Variants in PRIM2 observed in about 807,000 individuals in gnomAD.
The protein encoded by PRIM2 is DNA primase large subunit.
In PRIM2, 39 loss-of-function variants were observed where a neutral mutation model predicts 67.3. That is an observed-to-expected ratio of 0.58 (90% CI 0.45 to 0.76). The LOEUF is 0.76. PRIM2 is among the 30% of genes least tolerant of loss of function. The pLI, the probability that PRIM2 is intolerant of heterozygous loss-of-function variation, is 0.00. For missense variants in PRIM2, 398 were observed against 598.7 expected (o/e 0.66, Z 3.50); for synonymous variants, 143 against 198.7 (o/e 0.72, Z 2.36).
At chr6:57,300,473 G>T in the PRIM2 span, among the ~76,000 whole-genome samples, 5 of 152,060 alleles carry the variant, frequency 3.3e-5, no homozygotes, top group Admixed American at 3.3e-4. Context: ...GTGTGTGCAC[G>T]CATGTGTACA....
the PRIM2 span, among the ~76,000 whole-genome samples, chr6:57,269,910 T>C: frequency 6.6e-6 from 1 of 152,240 alleles, no homozygotes; most frequent in East Asian, 1.9e-4. Flanking sequence ...TTGCTTGTTT[T>C]TGTGAGGTTT....
the PRIM2 span, among the ~76,000 whole-genome samples, chr6:57,280,620 C>T: frequency 7.9e-5 from 12 of 152,088 alleles, no homozygotes; most frequent in African/African-American, 4.8e-5. Flanking sequence ...AGCGATTCTC[C>T]GGCCTCAGCC....
At chr6:57,552,371 A>T (rs1387887193) in intron 10 of PRIM2, among the ~76,000 whole-genome samples, 1 of 152,004 alleles carries the variant, frequency 6.6e-6, no homozygotes, top group Non-Finnish European at 1.5e-5. Flanking sequence ...GATAAGGCAG[A>T]TTTCCTTGCT....
intron 7 of PRIM2, among the ~76,000 whole-genome samples, chr6:57,398,109 A>G (rs1303030003): frequency 2.0e-5 from 3 of 151,646 alleles, no homozygotes; most frequent in Admixed American, 6.6e-5. Flanking sequence ...ACAGATGCAC[A>G]CCACCACACC....
intron 2 of PRIM2, among the ~76,000 whole-genome samples, chr6:57,320,192 T>C (rs943030401): frequency 6.6e-6 from 1 of 152,122 alleles, no homozygotes; most frequent in Non-Finnish European, 1.5e-5. Flanking sequence ...TCCTCAGGAA[T>C]GATTATTCAC....
chr6:57,606,683 TAAAG>T (rs1392960393), intron 12 of PRIM2, among the ~76,000 whole-genome samples: 5 of 152,214 alleles, frequency 3.3e-5, no homozygotes, highest in African/African-American at 1.2e-4. Context: ...TTCCTAGTCA[TAAAG>T]GAAGCTGGAA....
At chr6:57,415,627 C>T (rs1353593072) in intron 7 of PRIM2, among the ~76,000 whole-genome samples, 1 of 152,100 alleles carries the variant, frequency 6.6e-6, no homozygotes, top group East Asian at 1.9e-4. Flanking sequence ...TAAAATAAGA[C>T]AACCATTCAG....
intron 7 of PRIM2, among the ~76,000 whole-genome samples, chr6:57,481,496 G>A (rs1241667977): frequency 6.6e-6 from 1 of 151,848 alleles, no homozygotes; most frequent in Non-Finnish European, 1.5e-5. Context: ...CTGTTGAAGG[G>A]CATTGAATTA....
At chr6:57,394,203 A>G (rs1320703959) in intron 7 of PRIM2, among the ~76,000 whole-genome samples, 2 of 152,072 alleles carry the variant, frequency 1.3e-5, no homozygotes, top group Non-Finnish European at 2.9e-5. Context: ...GTGAAGAATG[A>G]TGGTGGTATT....
chr6:57,303,995 G>C, the PRIM2 span, among the ~76,000 whole-genome samples: 1 of 152,146 alleles, frequency 6.6e-6, no homozygotes, highest in East Asian at 1.9e-4. Context: ...TAATGATGCA[G>C]GATGATGGTT....
At chr6:57,296,814 T>C in the PRIM2 span, among the ~76,000 whole-genome samples, 1 of 152,132 alleles carries the variant, frequency 6.6e-6, no homozygotes, top group Non-Finnish European at 1.5e-5. Flanking sequence ...TGGAAAGTGC[T>C]TGATACCAGG....
chr6:57,593,838 A>G (rs1776322510), intron 10 of PRIM2, among the ~76,000 whole-genome samples: 1 of 152,218 alleles, frequency 6.6e-6, no homozygotes, highest in Non-Finnish European at 1.5e-5. Context: ...TAGGCTTGGA[A>G]GAGTCCAAAT....
At chr6:57,478,564 C>T (rs1773535454) in intron 7 of PRIM2, among the ~76,000 whole-genome samples, 2 of 152,084 alleles carry the variant, frequency 1.3e-5, no homozygotes, top group Admixed American at 6.5e-5. Context: ...AATTAACATA[C>T]TCTACTAAAA....
At chr6:57,307,298 G>A in the PRIM2 span, among the ~76,000 whole-genome samples, 2 of 151,784 alleles carry the variant, frequency 1.3e-5, no homozygotes, top group East Asian at 1.9e-4. Flanking sequence ...CTGTTGCCCA[G>A]GCTGGAGTGC....
At chr6:57,317,245 T>C (rs76471109), upstream of PRIM2, among the ~76,000 whole-genome samples, 1,267 of 152,272 alleles carry the variant, frequency 8.3e-3, 8 homozygotes, top group Middle Eastern at 0.054. Flanking sequence ...CCTCCCCAGA[T>C]TGAAAGTGAT....
intron 10 of PRIM2, among the ~76,000 whole-genome samples, chr6:57,569,824 G>A (rs1775827279): frequency 6.6e-6 from 1 of 151,492 alleles, no homozygotes; most frequent in African/African-American, 2.4e-5. Context: ...TTGGCTCACT[G>A]CAACCTCTGC....
chr6:57,366,446 T>C (rs1404095527), intron 5 of PRIM2, among the ~76,000 whole-genome samples: 11 of 151,870 alleles, frequency 7.2e-5, no homozygotes, highest in Non-Finnish European at 1.5e-4. Context: ...GACATGGAGA[T>C]GTGGTTGGGG....
chr6:57,482,253 CAGAA>C (rs1464725754), intron 7 of PRIM2, among the ~76,000 whole-genome samples: 3 of 149,650 alleles, frequency 2.0e-5, no homozygotes, highest in Non-Finnish European at 3.0e-5. Context: ...TTGAGTTGTT[CAGAA>C]AGAAGTTATA....
At chr6:57,273,160 C>T in the PRIM2 span, among the ~76,000 whole-genome samples, 9 of 152,054 alleles carry the variant, frequency 5.9e-5, no homozygotes, top group Non-Finnish European at 8.8e-5. Flanking sequence ...TTTCCTGAAT[C>T]TGAATGTTGG....
Sources: gnomAD v4.1 joint callset for allele counts (sites outside exome capture counted in the v4.1 genomes callset) on GRCh38, gnomAD v4.1.1 for gene constraint, MANE v1.5 for transcripts, NCBI Gene and HGNC (gene_info 2026-07-23, HGNC 2026-07-21) for gene names.